Variants in BBS2 observed in about 807,000 individuals in gnomAD.
BBS2 encodes BBSome complex member BBS2.
BBS2 carries 62 observed loss-of-function variants against 83.0 expected under a neutral mutation model. That is an observed-to-expected ratio of 0.75 (90% CI 0.61 to 0.92). The LOEUF (loss-of-function observed/expected upper bound fraction) is 0.92. Among genes scored for constraint, BBS2 ranks in the 40% least tolerant of loss-of-function variants. The pLI, the probability that BBS2 is intolerant of heterozygous loss-of-function variation, is 0.00. For missense variants in BBS2, 784 were observed against 901.0 expected, an observed-to-expected ratio of 0.87 and a Z score of 1.66; for synonymous variants, 303 against 326.1, an observed-to-expected ratio of 0.93 and a Z score of 0.76.
intron 1 of BBS2, among the ~76,000 whole-genome samples, chr16:56,517,821 C>CTTT (rs11429010): frequency 2.2e-5 from 3 of 138,084 alleles, no homozygotes; most frequent in Admixed American, 7.3e-5. Flanking sequence ...TTTGTCAGTG[C>CTTT]TTTTTTTTTT....
intron 17 of BBS2, among the ~76,000 whole-genome samples, chr16:56,479,304 T>C (rs1963600427): frequency 1.3e-5 from 2 of 152,126 alleles, no homozygotes; most frequent in South Asian, 2.1e-4. Flanking sequence ...TGAAACCCTA[T>C]CTCTGCTAAA....
At chr16:56,498,897 T>C (rs1964187455) in intron 12 of BBS2, 1 of 413,668 alleles carries the variant, frequency 2.4e-6, no homozygotes, top group Admixed American at 3.7e-5. Context: ...GATTCAGGTA[T>C]GATGCTGATT....
At chr16:56,511,471 C>T (rs1964575578) in intron 2 of BBS2, among the ~76,000 whole-genome samples, 187 bp from the exon 3 acceptor site, 2 of 152,096 alleles carry the variant, frequency 1.3e-5, no homozygotes, top group African/African-American at 4.8e-5. Flanking sequence ...ACTATTAAGT[C>T]CTTCAATACT....
intron 1 of BBS2, among the ~76,000 whole-genome samples, chr16:56,516,872 C>T (rs1964766095): frequency 6.6e-6 from 1 of 152,074 alleles, no homozygotes; most frequent in South Asian, 2.1e-4. Context: ...TCATAAAATA[C>T]TACTAATTCT....
chr16:56,503,931 A>AAG (rs1334348057), intron 7 of BBS2, among the ~76,000 whole-genome samples: 1 of 152,062 alleles, frequency 6.6e-6, no homozygotes, highest in African/African-American at 2.4e-5. Context: ...AAAAAAAAAA[A>AAG]AAAGATGATT....
Position 56,511,217 on chromosome 16 carries a change from A to G in BBS2, c.413T>C (p.Ile138Thr), listed in dbSNP as rs1386789664. The G allele has an allele frequency of 1.2e-6, 2 of 1,614,118 alleles. No individual in the cohort carries two copies. The highest frequency in any genetic ancestry group is 8.5e-7 in the Non-Finnish European group (1 of 1,179,988). ...LGDISSPLAI[I>T]GGNCALQGFN... is the part of the protein sequence containing the mutation. ...ACCTTGCAGAGCACAATTGCCACCA[A>G]TAATCGCAAGAGGGGAAGAAATGTC... Residue 138 changes from isoleucine (I) to threonine (T), a missense_variant, in exon 3 of 17, where the codon ATT becomes ACT. Coordinates refer to ENST00000245157, the MANE Select transcript of BBS2 (RefSeq NM_031885.5).
chr16:56,506,807 A>T (rs1200183296), intron 5 of BBS2, among the ~76,000 whole-genome samples: 17 of 152,226 alleles, frequency 1.1e-4, no homozygotes, highest in Admixed American at 1.1e-3. Context: ...CAGAATGCAT[A>T]TATGATACAG....
chr16:56,504,618 T>C (rs1388486410), intron 7 of BBS2, among the ~76,000 whole-genome samples: 1 of 152,250 alleles, frequency 6.6e-6, no homozygotes, highest in Non-Finnish European at 1.5e-5. Context: ...CTTATCTTTT[T>C]CATGCTCAGG....
At chr16:56,496,696 T>C (rs2144129121) in intron 15 of BBS2, among the ~76,000 whole-genome samples, 1 of 152,370 alleles carries the variant, frequency 6.6e-6, no homozygotes, top group East Asian at 1.9e-4. Context: ...TTTGAGATTT[T>C]TATAAACAAT....
chr16:56,489,394 AC>A (rs1158005899), intron 15 of BBS2, among the ~76,000 whole-genome samples: 2 of 152,180 alleles, frequency 1.3e-5, no homozygotes, highest in Non-Finnish European at 2.9e-5. Context: ...GACAAGTCAG[AC>A]CAATGGAATA....
At chr16:56,483,172 T>C (rs1303501540), downstream of BBS2, among the ~76,000 whole-genome samples, 11 of 152,206 alleles carry the variant, frequency 7.2e-5, no homozygotes, top group Non-Finnish European at 1.5e-4. Flanking sequence ...TACTGAATAC[T>C]GTAGGAAACT....
At position 56,499,776 on chromosome 16, in the gene BBS2, AC is replaced by A; in HGVS notation, c.1527+1del. Reference sequence around the variant, plus strand: ...ATTGAAAGAGAAAAGCGAGATACTCACCCTCTGTGCCCGTTCTGCAATGGTA... The same window carrying A: ...ATTGAAAGAGAAAAGCGAGATACTCACCTCTGTGCCCGTTCTGCAATGGTA... On this transcript the variant is annotated splice_donor_variant, in intron 12 of 16. Coordinates refer to ENST00000245157, the MANE Select transcript of BBS2 (RefSeq NM_031885.5). LOFTEE classifies it high-confidence loss of function. 1 of 1,614,090 alleles carries A rather than the reference AC, an allele frequency of 6.2e-7. No homozygotes were observed. The highest frequency in any genetic ancestry group is 8.5e-7 in the Non-Finnish European group (1 of 1,179,968).
intron 7 of BBS2, among the ~76,000 whole-genome samples, chr16:56,504,079 C>G (rs1964357662): frequency 6.6e-6 from 1 of 152,062 alleles, no homozygotes; most frequent in South Asian, 2.1e-4. Flanking sequence ...ACTTTGCAAC[C>G]AAAACATAAA....
At chr16:56,471,197 CAA>C (rs61143039) in intron 17 of BBS2, among the ~76,000 whole-genome samples, 4 of 132,916 alleles carry the variant, frequency 3.0e-5, no homozygotes, top group Non-Finnish European at 3.3e-5. Context: ...ACTAAAAATA[CAA>C]AAAAAAAAAA....
chr16:56,499,895 A>G lies in BBS2; in HGVS notation c.1410T>C (p.His470=), dbSNP rs761861062. ...FVGYRSSTQF[H]VFESTRQLPR... ...GGAGCTGTCTTGTCGATTCAAATAC[A>G]TGAAACTGGGTGCTATGGCCAATCA... The change falls in exon 12 of 17, where the codon CAT becomes CAC. Residue 470 remains histidine, a synonymous_variant. Transcript: ENST00000245157. The G allele has an allele frequency of 1.2e-6, 2 of 1,614,128 alleles. No homozygotes were observed. Among genetic ancestry groups the G allele is most frequent in the South Asian group, 1.1e-5 (1 of 91,086 alleles).
downstream of BBS2, among the ~76,000 whole-genome samples, chr16:56,483,724 G>C (rs1963698900): frequency 6.7e-6 from 1 of 149,364 alleles, no homozygotes; most frequent in Non-Finnish European, 1.5e-5. Context: ...TTTTGAGACA[G>C]AGTTTTGCTC....
chr16:56,483,726 G>A (rs1183699541), downstream of BBS2, among the ~76,000 whole-genome samples: 1 of 149,916 alleles, frequency 6.7e-6, no homozygotes, highest in Non-Finnish European at 1.5e-5. Context: ...TTGAGACAGA[G>A]TTTTGCTCTT....
At chr16:56,509,770 A>G (rs1397670570) in intron 5 of BBS2, 187 bp downstream of exon 5, 2 of 585,904 alleles carry the variant, frequency 3.4e-6, no homozygotes, top group African/African-American at 3.7e-5. Flanking sequence ...TTTTCAAAAT[A>G]TATCTTAATT....
intron 15 of BBS2, among the ~76,000 whole-genome samples, chr16:56,490,968 A>G (rs1252232469): frequency 6.6e-6 from 1 of 151,898 alleles, no homozygotes; most frequent in Non-Finnish European, 1.5e-5. Flanking sequence ...TCACCATGTT[A>G]GTCAGGACGG....
Sources: allele counts gnomAD v4.1 joint callset (sites outside exome capture counted in the v4.1 genomes callset), GRCh38; gene constraint gnomAD v4.1.1; transcripts MANE v1.5; gene names NCBI Gene and HGNC (gene_info 2026-07-23, HGNC 2026-07-21).